PGS1: variants seen among roughly 807,000 people sequenced by gnomAD.
PGS1 encodes phosphatidylglycerophosphate synthase 1, also known as CDP-diacylglycerol--glycerol-3-phosphate 3-phosphatidyltransferase, mitochondrial.
A neutral mutation model predicts 58.3 loss-of-function variants in PGS1; 44 were observed. That is an observed-to-expected ratio of 0.75 (90% confidence interval 0.59 to 0.97). PGS1 has a LOEUF of 0.97. PGS1 is among the 50% of genes least tolerant of loss of function. The pLI is 0.00. For synonymous variants in PGS1, 330 were observed against 311.0 expected, an observed-to-expected ratio of 1.06 and a Z score of -0.64; for missense variants, 684 against 731.1, an observed-to-expected ratio of 0.94 and a Z score of 0.74.
chr17:78,424,419 C>A lies in PGS1; in HGVS notation c.*369C>A. Reference sequence around the variant, plus strand: ...GTTTAAATCTGTGGCATTTTCAGAGCCTCATCTGTCAGCCTTAATGTCAGT... The same window carrying A: ...GTTTAAATCTGTGGCATTTTCAGAGACTCATCTGTCAGCCTTAATGTCAGT... On this transcript the variant is annotated 3_prime_UTR_variant, in exon 10 of 10. Coordinates refer to ENST00000262764, the MANE Select transcript of PGS1 (RefSeq NM_024419.5). The A allele has an allele frequency of 2.3e-6, 1 of 427,002 alleles. No homozygotes were observed. Among genetic ancestry groups the A allele is most frequent in the Non-Finnish European group, 4.2e-6 (1 of 237,160 alleles). The allele number at this position is 427,002 out of a possible 1,614,324, so 26.5% of individuals were successfully genotyped here. A position where few individuals can be genotyped will look rare whatever the true frequency, so the allele number is the denominator to read the frequency against.
In PGS1 at chr17:78,385,439, C is replaced by T. The variant is rs377623139; in HGVS notation, c.143+6631C>T. 1.4e-3 allele frequency among the ~76,000 whole-genome samples: 215 copies of T among 152,328 alleles called. 1 individual carries two copies. Among genetic ancestry groups the T allele is most frequent in the African/African-American group, 4.8e-3 (199 of 41,578 alleles). ...GAGTAGCTGGGACTGCAGGTGCCTGCCACCAGGCCCGGCTAATTTTTTGTA... is the reference window on the plus strand; with the variant it reads ...GAGTAGCTGGGACTGCAGGTGCCTGTCACCAGGCCCGGCTAATTTTTTGTA... On this transcript the variant is annotated intron_variant, in intron 1 of 9. Transcript: ENST00000262764.
Position 78,380,705 on chromosome 17 carries a change from C to G in PGS1, c.143+1897C>G, listed in dbSNP as rs185511013. ...AGATTTAGGTGACTTTGTCATTTCC[C>G]TCTATATGTTTAAACTATATGAAAA... On this transcript the variant is annotated intron_variant, in intron 1 of 9. Coordinates refer to ENST00000262764, the MANE Select transcript of PGS1 (RefSeq NM_024419.5). Among the ~76,000 whole-genome samples the G allele has an allele frequency of 1.4e-3, 216 of 152,318 alleles. 2 individuals are homozygous for G. Among genetic ancestry groups the G allele is most frequent in the African/African-American group, 4.8e-3 (200 of 41,572 alleles).
Position 78,403,595 on chromosome 17 carries a change from C to T in PGS1, c.908C>T (p.Ala303Val). The T allele has an allele frequency of 6.2e-7, 1 of 1,613,064 alleles. No homozygotes were observed. Among genetic ancestry groups the T allele is most frequent in the Non-Finnish European group, 8.5e-7 (1 of 1,179,110 alleles). ...KGDRAEYCKA[A>V]NKRVMDVINS... ...GACCGGGCCGAGTACTGCAAGGCAG[C>T]CAATAAGAGGGTCATGGATGTGATC... Residue 303 changes from alanine to valine, a missense_variant, in exon 7 of 10, where the codon GCC becomes GTC. Coordinates refer to ENST00000262764, the MANE Select transcript of PGS1 (RefSeq NM_024419.5).
At chr17:78,401,355 A>C (rs1472323460) in intron 6 of PGS1, among the ~76,000 whole-genome samples, 1 of 152,222 alleles carries the variant, frequency 6.6e-6, no homozygotes, top group Admixed American at 6.5e-5. Context: ...CCCCAAGCCT[A>C]TCACCTGGGC....
intron 9 of PGS1, chr17:78,420,382 G>C (rs975849536): frequency 3.8e-6 from 1 of 260,946 alleles, no homozygotes; most frequent in African/African-American, 2.3e-5. Flanking sequence ...GCCATTAAAG[G>C]TGGGGTCTTT....
chr17:78,424,273 G>T lies in PGS1; in HGVS notation c.*223G>T. 7.6e-7 allele frequency: 1 copy of T among 1,311,836 alleles called. No homozygotes were observed. The highest frequency in any genetic ancestry group is 2.7e-4 in the Middle Eastern group (1 of 3,646). 81.3% of individuals were successfully genotyped at this position (1,311,836 alleles called of 1,614,324 possible). On this transcript the variant is annotated 3_prime_UTR_variant, in exon 10 of 10. Coordinates refer to ENST00000262764, the MANE Select transcript of PGS1 (RefSeq NM_024419.5). ...GCAGAGCTGGGCTCTACCCCAAAAGGCTTCAGGCCAGCTGCCACGGCTGGA... is the reference window on the plus strand; with the variant it reads ...GCAGAGCTGGGCTCTACCCCAAAAGTCTTCAGGCCAGCTGCCACGGCTGGA...
chr17:78,389,700 G>A (rs1230067995), intron 1 of PGS1, among the ~76,000 whole-genome samples: 3 of 151,828 alleles, frequency 2.0e-5, no homozygotes, highest in Admixed American at 6.6e-5. Context: ...TGCAACCTCC[G>A]CCTCCTGGGT....
At chr17:78,421,438 C>G (rs927771163) in intron 9 of PGS1, 1 of 152,218 alleles carries the variant, frequency 6.6e-6, no homozygotes, top group African/African-American at 2.4e-5. Flanking sequence ...GTTGCATAGG[C>G]TCACCTGGTC....
intron 8 of PGS1, among the ~76,000 whole-genome samples, chr17:78,418,379 A>C (rs1018342735): frequency 6.6e-6 from 1 of 152,226 alleles, no homozygotes; most frequent in Admixed American, 6.5e-5. Context: ...TTCTGTGTAC[A>C]GCGCACGGAG....
intron 7 of PGS1, among the ~76,000 whole-genome samples, chr17:78,413,389 G>A (rs1355983218): frequency 6.6e-6 from 1 of 152,196 alleles, no homozygotes; most frequent in Non-Finnish European, 1.5e-5. Context: ...CACCCCATGG[G>A]GAGGGGCAAC....
chr17:78,379,841 A>T (rs1293514693), intron 1 of PGS1, among the ~76,000 whole-genome samples: 1 of 151,724 alleles, frequency 6.6e-6, no homozygotes, highest in South Asian at 2.1e-4. Flanking sequence ...AAAAAAAAAA[A>T]TTCTCTTGTG....
chr17:78,389,523 G>C (rs1464604255), intron 1 of PGS1, among the ~76,000 whole-genome samples: 1 of 151,824 alleles, frequency 6.6e-6, no homozygotes, highest in African/African-American at 2.4e-5. Context: ...GTTTCATCGT[G>C]TTGGCCAGGC....
intron 7 of PGS1, 41 bp downstream of exon 7, chr17:78,404,130 G>A: frequency 6.8e-7 from 1 of 1,472,312 alleles, no homozygotes; most frequent in African/African-American, 1.4e-5. Context: ...GTGTGGGACA[G>A]CCACAAACAT....
At chr17:78,397,646 G>A (rs1197426588) in intron 3 of PGS1, among the ~76,000 whole-genome samples, 1 of 151,142 alleles carries the variant, frequency 6.6e-6, no homozygotes, top group South Asian at 2.1e-4. Context: ...TGTTGGTCAG[G>A]CTGGTCTTAA....
At chr17:78,383,847 G>C (rs2082200914) in intron 1 of PGS1, among the ~76,000 whole-genome samples, 1 of 152,198 alleles carries the variant, frequency 6.6e-6, no homozygotes, top group Non-Finnish European at 1.5e-5. Context: ...CCCTGAGCAC[G>C]TTATAGTTGG....
chr17:78,417,464 C>G (rs576593221), intron 8 of PGS1, among the ~76,000 whole-genome samples: 127 of 151,922 alleles, frequency 8.4e-4, no homozygotes, highest in African/African-American at 2.8e-3. Flanking sequence ...GAGCATGGGA[C>G]GGGGGCAGGG....
intron 7 of PGS1, among the ~76,000 whole-genome samples, chr17:78,411,793 C>A (rs985169368): frequency 3.9e-5 from 6 of 152,052 alleles, no homozygotes; most frequent in African/African-American, 1.5e-4. Flanking sequence ...ATAGTCTTAG[C>A]CCTGTGTATA....
chr17:78,419,603 C>T lies in PGS1; in HGVS notation c.1609C>T (p.Pro537Ser). 1 of 1,614,124 alleles carries T rather than the reference C, an allele frequency of 6.2e-7. No homozygotes were observed. Among genetic ancestry groups the T allele is most frequent in the Non-Finnish European group, 8.5e-7 (1 of 1,180,000 alleles). ...GVVSSATFEQ[P>S]SRQVKLWVKM... ...GGTGTCCTCTGCCACCTTCGAGCAG[C>T]CGAGTCGCCAGGTGAAGCTGTGGGT... The change falls in exon 9 of 10, where the codon CCG (proline) becomes TCG (serine). Residue 537 changes from proline (P) to serine (S), a missense_variant. Transcript: ENST00000262764.
At chr17:78,420,164 G>A (rs1014494749) in intron 9 of PGS1, 6 of 1,001,438 alleles carry the variant, frequency 6.0e-6, no homozygotes, top group African/African-American at 1.7e-5. Flanking sequence ...GAGCCAGACC[G>A]TGGGCTGCTG....
Sources: gnomAD v4.1 joint callset for allele counts (sites outside exome capture counted in the v4.1 genomes callset) on GRCh38, gnomAD v4.1.1 for gene constraint, MANE v1.5 for transcripts, NCBI Gene and HGNC (gene_info 2026-07-23, HGNC 2026-07-21) for gene names.